Variants in KCNT2 observed in about 807,000 individuals in gnomAD.
KCNT2 encodes the protein potassium channel subfamily T member 2.
Under a neutral mutation model 153.8 loss-of-function variants are expected in KCNT2, and 67 were observed. That is an observed-to-expected ratio of 0.44 (90% CI 0.36 to 0.53). The LOEUF (loss-of-function observed/expected upper bound fraction) is 0.53. Ranked by LOEUF, KCNT2 falls within the 20% of genes least tolerant of loss-of-function variation. KCNT2 has a pLI of 0.00. For missense variants in KCNT2, 975 were observed against 1,354.8 expected, an observed-to-expected ratio of 0.72 and a Z score of 4.40; for synonymous variants, 500 against 458.8, an observed-to-expected ratio of 1.09 and a Z score of -1.15.
chr1:196,476,825 A>G (rs1678575473), intron 5 of KCNT2, among the ~76,000 whole-genome samples: 1 of 151,874 alleles, frequency 6.6e-6, no homozygotes, highest in Non-Finnish European at 1.5e-5. Context: ...GCTTCATCCT[A>G]CTGCTTTGAG....
intron 1 of KCNT2, among the ~76,000 whole-genome samples, chr1:196,502,881 G>A (rs900899270): frequency 5.3e-5 from 8 of 151,830 alleles, no homozygotes; most frequent in Non-Finnish European, 1.2e-4. Flanking sequence ...AAAATAAAAA[G>A]AAATATAGAA....
At chr1:196,479,573 G>A (rs764312169) in intron 4 of KCNT2, among the ~76,000 whole-genome samples, 8 of 152,032 alleles carry the variant, frequency 5.3e-5, no homozygotes, top group Admixed American at 1.3e-4. Context: ...GGTGTGTTTC[G>A]TTTTAAAATT....
chr1:196,293,549 T>C (rs1028335047), intron 22 of KCNT2, among the ~76,000 whole-genome samples: 1 of 152,090 alleles, frequency 6.6e-6, no homozygotes, highest in Admixed American at 6.6e-5. Context: ...GGCCACACCA[T>C]GGAGAAAAGA....
At chr1:196,477,510 G>T (rs1377376635) in intron 5 of KCNT2, among the ~76,000 whole-genome samples, 1 of 152,050 alleles carries the variant, frequency 6.6e-6, no homozygotes, top group East Asian at 1.9e-4. Context: ...CTTGAACCCA[G>T]GCGGAGTTGA....
chr1:196,422,132 A>C (rs1185783163), intron 12 of KCNT2, among the ~76,000 whole-genome samples: 1 of 152,094 alleles, frequency 6.6e-6, no homozygotes, highest in Non-Finnish European at 1.5e-5. Context: ...TGAGAAAATC[A>C]GTTTAAACAT....
intron 26 of KCNT2, among the ~76,000 whole-genome samples, chr1:196,253,286 T>C (rs1656153137): frequency 6.6e-6 from 1 of 151,456 alleles, no homozygotes; most frequent in Non-Finnish European, 1.5e-5. Context: ...GGATAGTCTA[T>C]TGCTATGGCT....
At chr1:196,235,324 A>G (rs1035158912) in intron 27 of KCNT2, among the ~76,000 whole-genome samples, 4 of 151,418 alleles carry the variant, frequency 2.6e-5, no homozygotes, top group Admixed American at 2.6e-4. Flanking sequence ...TACATTCTTT[A>G]TAATTTCTCC....
chr1:196,426,489 C>T (rs900411705), intron 10 of KCNT2, among the ~76,000 whole-genome samples: 4 of 151,834 alleles, frequency 2.6e-5, no homozygotes, highest in Non-Finnish European at 5.9e-5. Context: ...CATAAAAACA[C>T]TGAAAATACT....
intron 25 of KCNT2, among the ~76,000 whole-genome samples, chr1:196,270,068 G>C (rs1657923211): frequency 6.6e-6 from 1 of 151,732 alleles, no homozygotes; most frequent in Non-Finnish European, 1.5e-5. Context: ...GTGCAGTAGT[G>C]GGATGTTTTT....
intron 11 of KCNT2, among the ~76,000 whole-genome samples, chr1:196,425,065 T>C (rs190925593): frequency 2.0e-5 from 3 of 152,038 alleles, no homozygotes; most frequent in African/African-American, 7.2e-5. Context: ...TGAAGATATG[T>C]TTAAAACTTT....
Position 196,340,372 on chromosome 1 carries a change from T to C in KCNT2, c.1752A>G (p.Arg584=). The change falls in exon 16 of 28, where the codon AGA becomes AGG. Residue 584 remains arginine (R), a synonymous_variant. Transcript: ENST00000294725. The stretch of plus-strand genomic sequence containing the variant: ...TGGCAATTATGCTATGTACAGGTAA[T>C]CTGGAAGGTCCATGATAAAACGACC... ...VSRSFYHGPS[R]LPVHSIIASM... 1.2e-6 allele frequency: 2 copies of C among 1,610,954 alleles called. No individual in the cohort carries two copies. The highest frequency in any genetic ancestry group is 1.7e-6 in the Non-Finnish European group (2 of 1,178,066).
chr1:196,583,666 T>C (rs1558105394), intron 1 of KCNT2, among the ~76,000 whole-genome samples: 1 of 151,046 alleles, frequency 6.6e-6, no homozygotes, highest in African/African-American at 2.4e-5. Context: ...AAGAATGATA[T>C]CATAGAAATC....
chr1:196,583,045 A>T (rs1029072109), intron 1 of KCNT2, among the ~76,000 whole-genome samples: 1 of 152,104 alleles, frequency 6.6e-6, no homozygotes, highest in Non-Finnish European at 1.5e-5. Flanking sequence ...GTGGAGTGGG[A>T]TGTCTTCAGA....
At chr1:196,383,175 G>C (rs1291961205) in intron 13 of KCNT2, among the ~76,000 whole-genome samples, 1 of 152,122 alleles carries the variant, frequency 6.6e-6, no homozygotes, top group African/African-American at 2.4e-5. Flanking sequence ...CAAGCTATTT[G>C]TGATGAAGGG....
At chr1:196,605,978 A>G (rs1572959929) in intron 1 of KCNT2, among the ~76,000 whole-genome samples, 1 of 152,346 alleles carries the variant, frequency 6.6e-6, no homozygotes, top group East Asian at 1.9e-4. Context: ...TTACACTGAT[A>G]AGATATAATA....
intron 1 of KCNT2, among the ~76,000 whole-genome samples, chr1:196,492,863 A>G (rs1450726961): frequency 6.6e-6 from 1 of 152,152 alleles, no homozygotes; most frequent in Admixed American, 6.5e-5. Context: ...TTAGGACACC[A>G]CACTCTGTAA....
At chr1:196,292,577 C>T (rs1040901920) in intron 22 of KCNT2, among the ~76,000 whole-genome samples, 2 of 152,024 alleles carry the variant, frequency 1.3e-5, no homozygotes, top group African/African-American at 2.4e-5. Flanking sequence ...GAGGCCGAGG[C>T]GGGCGGATCA....
chr1:196,392,783 A>G (rs984035846), intron 13 of KCNT2, among the ~76,000 whole-genome samples: 8 of 151,434 alleles, frequency 5.3e-5, no homozygotes, highest in African/African-American at 1.9e-4. Flanking sequence ...TGCACTTTAA[A>G]TATTATTATT....
At chr1:196,326,945 G>A (rs1663921976) in intron 18 of KCNT2, 56 bp from the exon 19 acceptor site, 4 of 981,280 alleles carry the variant, frequency 4.1e-6, no homozygotes, top group South Asian at 1.6e-5. Context: ...TTAAAATTTG[G>A]AGAAAATTTA....
Sources: allele counts gnomAD v4.1 joint callset (sites outside exome capture counted in the v4.1 genomes callset), GRCh38; gene constraint gnomAD v4.1.1; transcripts MANE v1.5; gene names NCBI Gene and HGNC (gene_info 2026-07-23, HGNC 2026-07-21).